Variants in NAV3 observed in about 807,000 individuals in gnomAD.
NAV3 encodes pore membrane and/or filament interacting like protein 1.
NAV3 carries 87 observed loss-of-function variants against 244.7 expected under a neutral mutation model. The ratio of observed to expected loss-of-function variants is 0.36; its 90% confidence interval spans 0.30 to 0.42. The LOEUF (loss-of-function observed/expected upper bound fraction) is 0.42. Among genes scored for constraint, NAV3 ranks in the 20% least tolerant of loss-of-function variants. NAV3 has a pLI of 1.00. For synonymous variants in NAV3, 1,126 were observed against 1,042.2 expected (o/e 1.08, Z -1.55); for missense variants, 2,663 against 2,893.3 (o/e 0.92, Z 1.83).
At position 78,210,628 on chromosome 12, in the gene NAV3, C is replaced by A; in HGVS notation, c.*111C>A. On this transcript the variant is annotated 3_prime_UTR_variant, in exon 40 of 40. Transcript: ENST00000397909. Reference sequence around the variant, plus strand: ...AAAAGCACCCTGTCAAGGGCCCTGACCCAGAGTTGTGGTCTCCAAGGAGGC... The same window carrying A: ...AAAAGCACCCTGTCAAGGGCCCTGAACCAGAGTTGTGGTCTCCAAGGAGGC... 1 of 1,321,372 alleles carries A rather than the reference C, an allele frequency of 7.6e-7. No homozygotes were observed. Among genetic ancestry groups the A allele is most frequent in the Non-Finnish European group, 1.0e-6 (1 of 974,732 alleles). The allele number at this position is 1,321,372 out of a possible 1,614,324, so 81.9% of individuals were successfully genotyped here. A position where few individuals can be genotyped will look rare whatever the true frequency, so the allele number is the denominator to read the frequency against.
intron 9 of NAV3, among the ~76,000 whole-genome samples, chr12:78,042,396 G>T (rs878863658): frequency 6.6e-6 from 1 of 152,184 alleles, no homozygotes; most frequent in Admixed American, 6.5e-5. Context: ...ATCATTGGTA[G>T]AACTGTAGAA....
chr12:77,737,754 CA>C (rs1877395313), intron 2 of NAV3, among the ~76,000 whole-genome samples: 1 of 152,160 alleles, frequency 6.6e-6, no homozygotes, highest in African/African-American at 2.4e-5. Context: ...GGCTTTTCAA[CA>C]GTTGGTCTAC....
Position 77,940,399 on chromosome 12 carries a change from A to T in NAV3, c.324A>T (p.Ala108=). The change falls in exon 2 of 40, where the codon GCA becomes GCT. Residue 108 remains alanine (A), a synonymous_variant. Coordinates refer to ENST00000397909, the MANE Select transcript of NAV3 (RefSeq NM_001024383.2). ...TCAAGGACTTGCAACAAGACATTGC[A>T]GATGGAGTACTCCTAGCAGAAATCA... ...RLIKDLQQDI[A]DGVLLAEIIQ... is the part of the protein sequence containing the mutation. 6.2e-7 allele frequency: 1 copy of T among 1,613,780 alleles called. No homozygotes were observed. Among genetic ancestry groups the T allele is most frequent in the Non-Finnish European group, 8.5e-7 (1 of 1,179,770 alleles).
At chr12:78,081,198 A>G (rs1014549505) in intron 12 of NAV3, among the ~76,000 whole-genome samples, 1 of 152,216 alleles carries the variant, frequency 6.6e-6, no homozygotes, top group African/African-American at 2.4e-5. Context: ...TAGCGTGATA[A>G]TACGTTAAGA....
chr12:78,066,478 C>T (rs1048206951), intron 12 of NAV3, among the ~76,000 whole-genome samples: 3 of 151,986 alleles, frequency 2.0e-5, no homozygotes, highest in Non-Finnish European at 4.4e-5. Flanking sequence ...CAAAATGAAT[C>T]TCAAAGGAGA....
At chr12:77,891,307 GAT>G (rs1277524834) in intron 1 of NAV3, among the ~76,000 whole-genome samples, 2 of 148,424 alleles carry the variant, frequency 1.3e-5, no homozygotes, top group Admixed American at 6.7e-5. Flanking sequence ...AATTTATAAA[GAT>G]AAATTTATAA....
At chr12:77,923,928 G>A (rs1049492304) in intron 1 of NAV3, among the ~76,000 whole-genome samples, 1 of 152,144 alleles carries the variant, frequency 6.6e-6, no homozygotes, top group Non-Finnish European at 1.5e-5. Context: ...AGGGAAATAG[G>A]GATTTGGGGA....
rs1321749074 is a variant in NAV3 at position 78,203,170 on chromosome 12, A to AT, written c.6835-1759dup. ...TATTTAGAGTTCTCTTTGTTCAATT[A>AT]TTTTTTCTACAATATGTGTTTCACT... On this transcript the variant is annotated intron_variant, in intron 38 of 39. Transcript: ENST00000397909. 1.4e-4 allele frequency among the ~76,000 whole-genome samples: 21 copies of AT among 151,896 alleles called. No homozygotes were observed. In the East Asian group the frequency reaches 3.7e-3, roughly 27 times the overall value.
chr12:77,755,822 C>T (rs1592651884), intron 2 of NAV3, among the ~76,000 whole-genome samples: 1 of 151,584 alleles, frequency 6.6e-6, no homozygotes, highest in African/African-American at 2.4e-5. Flanking sequence ...CAGCCTCAAC[C>T]TGACAGGCTC....
chr12:78,178,347 G>T (rs1435403306), intron 28 of NAV3, among the ~76,000 whole-genome samples: 3 of 151,712 alleles, frequency 2.0e-5, no homozygotes, highest in South Asian at 2.1e-4. Context: ...TTTTAGTAAA[G>T]ATGGGGTTTC....
rs895418109 is a variant in NAV3 at position 77,963,801 on chromosome 12, T to A, written c.415-2428T>A. Among the ~76,000 whole-genome samples the A allele has an allele frequency of 4.6e-5, 7 of 151,954 alleles. 1 individual carries two copies. Among genetic ancestry groups the A allele is most frequent in the Non-Finnish European group, 7.4e-5 (5 of 68,004 alleles). ...TTTGAAAATAAAAAAGAATGTATTA[T>A]CGATCATTTGTTGTTGTTGTTCTCC... On this transcript the variant is annotated intron_variant, in intron 3 of 39. Coordinates refer to ENST00000397909, the MANE Select transcript of NAV3 (RefSeq NM_001024383.2).
chr12:77,684,715 T>G (rs1165645562), intron 2 of NAV3, among the ~76,000 whole-genome samples: 4 of 152,068 alleles, frequency 2.6e-5, no homozygotes, highest in Non-Finnish European at 5.9e-5. Flanking sequence ...GATGATTCCT[T>G]TTTTTTGTTC....
chr12:77,974,333 G>A (rs1413122667), intron 5 of NAV3, among the ~76,000 whole-genome samples: 1 of 152,066 alleles, frequency 6.6e-6, no homozygotes, highest in African/African-American at 2.4e-5. Context: ...CCAGGCTGGA[G>A]TGCAGTGGCT....
At chr12:77,768,711 C>G (rs1869918066) in intron 2 of NAV3, among the ~76,000 whole-genome samples, 1 of 152,208 alleles carries the variant, frequency 6.6e-6, no homozygotes, top group Non-Finnish European at 1.5e-5. Context: ...TCCATAGCTA[C>G]AGCTGGAGAG....
chr12:78,122,313 T>A lies in NAV3; in HGVS notation c.4123T>A (p.Ser1375Thr). 1 of 1,614,044 alleles carries A rather than the reference T, an allele frequency of 6.2e-7. No homozygotes were observed. The highest frequency in any genetic ancestry group is 8.5e-7 in the Non-Finnish European group (1 of 1,180,002). ...SMTSLHTSSE[S>T]IDLPLSHHGS... Reference sequence around the variant, plus strand: ...GACTAGCCTCCACACGAGCTCTGAGTCCATTGACCTCCCCCTCAGCCATCA... The same window carrying A: ...GACTAGCCTCCACACGAGCTCTGAGACCATTGACCTCCCCCTCAGCCATCA... The change falls in exon 16 of 40, where the codon TCC becomes ACC. Residue 1375 changes from serine (S) to threonine (T), a missense_variant. Ser to Thr is a moderately conservative substitution (Grantham distance 58). This residue lies in a region of NAV3 where 354 missense variants were observed against 413.0 expected (regional missense o/e 0.86). Transcript: ENST00000397909.
chr12:77,858,249 A>G (rs1224689446), intron 1 of NAV3, among the ~76,000 whole-genome samples: 4 of 151,978 alleles, frequency 2.6e-5, no homozygotes, highest in Non-Finnish European at 4.4e-5. Flanking sequence ...TGAAAAATTC[A>G]CTGTTCATGG....
chr12:77,587,627 G>C (rs578116491), intron 2 of NAV3, among the ~76,000 whole-genome samples: 59 of 152,152 alleles, frequency 3.9e-4, no homozygotes, highest in Non-Finnish European at 7.8e-4. Flanking sequence ...CATTGAGTTA[G>C]ACAACTTTAG....
intron 15 of NAV3, among the ~76,000 whole-genome samples, chr12:78,120,434 A>G (rs1955621787): frequency 6.6e-6 from 1 of 152,162 alleles, no homozygotes; most frequent in African/African-American, 2.4e-5. Context: ...ATTCCATTGG[A>G]CAGATTTATA....
intron 22 of NAV3, among the ~76,000 whole-genome samples, chr12:78,157,816 A>G (rs575946501): frequency 6.6e-6 from 1 of 151,832 alleles, no homozygotes; most frequent in Non-Finnish European, 1.5e-5. Context: ...GGGGGAGGAG[A>G]AAAAGAAGGA....
Sources: gnomAD v4.1 joint callset for allele counts (sites outside exome capture counted in the v4.1 genomes callset) on GRCh38, gnomAD v4.1.1 for gene constraint, gnomAD v4.1.1 regional missense constraint, MANE v1.5 for transcripts, NCBI Gene and HGNC (gene_info 2026-07-23, HGNC 2026-07-21) for gene names.